Variants in SORCS1 observed in about 807,000 individuals in gnomAD.
SORCS1 encodes the protein sortilin related VPS10 domain containing receptor 1, also known as VPS10 domain-containing receptor SorCS1.
In SORCS1, 60 loss-of-function variants were observed where a neutral mutation model predicts 146.1. The ratio of observed to expected loss-of-function variants is 0.41; its 90% CI spans 0.33 to 0.51. The LOEUF (loss-of-function observed/expected upper bound fraction) is 0.51. Among genes scored for constraint, SORCS1 ranks in the 20% least tolerant of loss-of-function variants. SORCS1 has a pLI of 0.21. For synonymous variants in SORCS1, 637 were observed against 584.0 expected, an observed-to-expected ratio of 1.09 and a Z score of -1.31; for missense variants, 1,352 against 1,487.6, an observed-to-expected ratio of 0.91 and a Z score of 1.50.
rs532111734 is a variant in SORCS1 at position 106,837,508 on chromosome 10, T to C, written c.627-7835A>G. Among the ~76,000 whole-genome samples the C allele has an allele frequency of 6.9e-4, 104 of 151,426 alleles. 6 individuals carry two copies. The South Asian group carries it at 0.021, about 31-fold the overall frequency. On this transcript the variant is annotated intron_variant, in intron 2 of 25. Coordinates refer to ENST00000263054, the MANE Select transcript of SORCS1 (RefSeq NM_052918.5). ...AAGACAGTACTGCTTGACACTCACT[T>C]TCAGTTTTGTGTATTGGCTTTTGCA...
chr10:106,658,485 A>T (rs999839786), intron 17 of SORCS1, among the ~76,000 whole-genome samples: 6 of 151,040 alleles, frequency 4.0e-5, no homozygotes, highest in African/African-American at 9.7e-5. Context: ...CACTCACAAT[A>T]AAAAAAAAGC....
At chr10:106,798,295 T>C (rs560416193) in intron 3 of SORCS1, among the ~76,000 whole-genome samples, 45 of 152,350 alleles carry the variant, frequency 3.0e-4, no homozygotes, top group African/African-American at 1.0e-3. Flanking sequence ...CCCAGTCTTG[T>C]CTTTTTTTTA....
chr10:106,963,612 A>G (rs1395237367), intron 1 of SORCS1, among the ~76,000 whole-genome samples: 2 of 152,012 alleles, frequency 1.3e-5, no homozygotes, highest in African/African-American at 4.8e-5. Context: ...ATCTGATACA[A>G]CTTATGGGCA....
At chr10:106,657,998 T>G (rs547325941) in intron 17 of SORCS1, among the ~76,000 whole-genome samples, 180 of 152,284 alleles carry the variant, frequency 1.2e-3, no homozygotes, top group Non-Finnish European at 2.2e-3. Context: ...TATCAAATAT[T>G]AACTTGCTAT....
intron 3 of SORCS1, among the ~76,000 whole-genome samples, chr10:106,823,841 C>T (rs1538417): frequency 0.24 from 36,806 of 152,094 alleles, 5,393 homozygotes; most frequent in Non-Finnish European, 0.33. Context: ...CTGCATGTAA[C>T]TTCAGACAAG....
chr10:106,918,029 C>T (rs1952528119), intron 2 of SORCS1, among the ~76,000 whole-genome samples: 1 of 152,072 alleles, frequency 6.6e-6, no homozygotes. Flanking sequence ...CTGAACTCGC[C>T]AATTAAGTTT....
At chr10:106,619,379 C>G (rs1847589034) in intron 20 of SORCS1, among the ~76,000 whole-genome samples, 1 of 152,108 alleles carries the variant, frequency 6.6e-6, no homozygotes. Flanking sequence ...TGTCCTGGGC[C>G]TGTGCAAAAT....
intron 2 of SORCS1, among the ~76,000 whole-genome samples, chr10:106,890,945 C>T (rs1951206849): frequency 6.6e-6 from 1 of 152,018 alleles, no homozygotes; most frequent in South Asian, 2.1e-4. Context: ...CATGACAGCT[C>T]CAGCAAAAAG....
At chr10:106,997,594 G>A (rs1393755761) in intron 1 of SORCS1, among the ~76,000 whole-genome samples, 1 of 152,082 alleles carries the variant, frequency 6.6e-6, no homozygotes, top group African/African-American at 2.4e-5. Context: ...AACAAGACCA[G>A]ACAGAGTTTC....
chr10:106,735,437 T>C (rs1184782433), intron 5 of SORCS1, among the ~76,000 whole-genome samples: 3 of 152,184 alleles, frequency 2.0e-5, no homozygotes. Context: ...TTCAAGGTGC[T>C]ATTTGAAGAC....
At chr10:107,179,081 CAGCCTATGAG>C in the SORCS1 span, among the ~76,000 whole-genome samples, 1 of 152,276 alleles carries the variant, frequency 6.6e-6, no homozygotes, top group South Asian at 2.1e-4. Flanking sequence ...ATCCCACCTA[CAGCCTATGAG>C]AGCTCCCTTT....
intron 1 of SORCS1, among the ~76,000 whole-genome samples, chr10:107,087,053 A>T (rs972703034): frequency 1.3e-5 from 2 of 152,150 alleles, no homozygotes; most frequent in Non-Finnish European, 2.9e-5. Context: ...ACAAAAACAA[A>T]ATACTACCAG....
intron 2 of SORCS1, among the ~76,000 whole-genome samples, chr10:106,880,301 G>C (rs1950759911): frequency 6.6e-6 from 1 of 152,164 alleles, no homozygotes; most frequent in Non-Finnish European, 1.5e-5. Context: ...AAGATACTAT[G>C]AAATAAAGAC....
intron 5 of SORCS1, among the ~76,000 whole-genome samples, chr10:106,750,868 G>C (rs899591515): frequency 6.7e-6 from 1 of 150,158 alleles, no homozygotes; most frequent in Admixed American, 6.7e-5. Context: ...GACCATCCTG[G>C]CTAACACGGT....
At chr10:106,591,978 C>T (rs1352188479) in intron 24 of SORCS1, among the ~76,000 whole-genome samples, 35 of 152,182 alleles carry the variant, frequency 2.3e-4, no homozygotes, top group Admixed American at 2.3e-3. Context: ...GCATTCTATT[C>T]CCTTTTCCAA....
chr10:107,060,005 G>T lies in SORCS1; in HGVS notation c.559-103425C>A, dbSNP rs1961027011. 6.6e-6 allele frequency among the ~76,000 whole-genome samples: 1 copy of T among 152,108 alleles called. No individual in the cohort carries two copies. Among genetic ancestry groups the T allele is most frequent in the Non-Finnish European group, 1.5e-5 (1 of 68,030 alleles). On this transcript the variant is annotated intron_variant, in intron 1 of 25. Transcript: ENST00000263054. The surrounding 1 kb of genome is among the most constrained non-coding windows in gnomAD (Gnocchi z 4.1). ...TTGATTATTATGAGGGTCAAAGAAT[G>T]CTTCTGACAGATGACACAGTGGTCT...
chr10:106,791,399 T>A (rs1356830568), intron 3 of SORCS1, among the ~76,000 whole-genome samples: 2 of 152,156 alleles, frequency 1.3e-5, no homozygotes, highest in Admixed American at 6.5e-5. Flanking sequence ...AATTTATGGA[T>A]AAAGAATATG....
At chr10:106,801,432 C>T (rs1209176694) in intron 3 of SORCS1, among the ~76,000 whole-genome samples, 1 of 151,790 alleles carries the variant, frequency 6.6e-6, no homozygotes, top group Non-Finnish European at 1.5e-5. Context: ...ATTTAATAGC[C>T]CTTACTATGT....
chr10:106,737,144 G>A (rs1322202903), intron 5 of SORCS1, among the ~76,000 whole-genome samples: 1 of 152,076 alleles, frequency 6.6e-6, no homozygotes, highest in Non-Finnish European at 1.5e-5. Flanking sequence ...AAGCTCAGGA[G>A]AGCAGTGAGG....
Sources: gnomAD v4.1 joint callset for allele counts (sites outside exome capture counted in the v4.1 genomes callset) on GRCh38, gnomAD v4.1.1 for gene constraint, Gnocchi (gnomAD v3.1) non-coding constraint, MANE v1.5 for transcripts, NCBI Gene and HGNC (gene_info 2026-07-23, HGNC 2026-07-21) for gene names.